Variants in NUP35 observed in about 807,000 individuals in gnomAD.
NUP35 encodes the protein nucleoporin 35, also known as nucleoporin NUP35.
NUP35 carries 25 observed loss-of-function variants against 41.5 expected under a neutral mutation model. The ratio of observed to expected loss-of-function variants is 0.60; its 90% CI spans 0.44 to 0.84. NUP35 has a LOEUF of 0.84. NUP35 is among the 40% of genes least tolerant of loss of function. The probability of loss-of-function intolerance (pLI) is 0.00; values close to 1 mark genes in which losing one functional copy is unlikely to be tolerated. For missense variants in NUP35, 396 were observed against 396.6 expected (o/e 1.00, Z 0.01); for synonymous variants, 149 against 130.7 (o/e 1.14, Z -0.96).
chr2:183,137,701 G>T (rs924281363), intron 4 of NUP35, among the ~76,000 whole-genome samples: 9 of 152,002 alleles, frequency 5.9e-5, no homozygotes, highest in Non-Finnish European at 1.2e-4. Flanking sequence ...GTCAAGGTGG[G>T]AAGACCGCTT....
upstream of NUP35, chr2:183,124,426 A>G (rs143641717): frequency 1.9e-6 from 3 of 1,614,104 alleles, no homozygotes; most frequent in East Asian, 2.2e-5. Context: ...TTAATTGGGA[A>G]GGTACTGGTT....
intron 5 of NUP35, among the ~76,000 whole-genome samples, chr2:183,153,233 C>T (rs1685531055): frequency 6.6e-6 from 1 of 152,142 alleles, no homozygotes; most frequent in African/African-American, 2.4e-5. Context: ...GGAGACACAG[C>T]CAAACCATTT....
At position 183,161,238 on chromosome 2, in the gene NUP35, A is replaced by C. The variant is rs183519395; in HGVS notation, c.*107A>C. 3.7e-4 allele frequency: 250 copies of C among 676,812 alleles called. No individual in the cohort carries two copies. The East Asian group carries it at 6.0e-3, about 16-fold the overall frequency. 41.9% of individuals were successfully genotyped at this position (676,812 alleles called of 1,614,324 possible). ...TCCTGCAGTATTGGATAGCTATCTC[A>C]TACTTCTTTTAGAAAGAAGCCTTTT... On this transcript the variant is annotated 3_prime_UTR_variant, in exon 9 of 9. Transcript: ENST00000295119.
intron 5 of NUP35, among the ~76,000 whole-genome samples, chr2:183,152,342 G>A (rs1685501335): frequency 6.6e-6 from 1 of 152,004 alleles, no homozygotes; most frequent in Non-Finnish European, 1.5e-5. Context: ...GGTTACATGA[G>A]TAAGTTCTTT....
intron 4 of NUP35, among the ~76,000 whole-genome samples, chr2:183,138,263 A>ATTTT (rs1236157351): frequency 6.0e-5 from 4 of 67,118 alleles, no homozygotes; most frequent in South Asian, 4.6e-4. Flanking sequence ...ATATATATAT[A>ATTTT]TATATATTTT....
chr2:183,117,530 G>A (rs1483205209), exon 1 of NUP35: 3 of 152,178 alleles, frequency 2.0e-5, no homozygotes, highest in Non-Finnish European at 2.9e-5. Flanking sequence ...GGTGCTGAAG[G>A]CTGAGACGGT....
chr2:183,160,936 C>T, intron 8 of NUP35, 118 bp from the exon 9 acceptor site: 1 of 693,062 alleles, frequency 1.4e-6, no homozygotes. Context: ...CAAAAATTTA[C>T]AATTTAGTGC....
chr2:183,154,550 C>G (rs10194747), intron 5 of NUP35, among the ~76,000 whole-genome samples: 77,357 of 151,940 alleles, frequency 0.51, 21,109 homozygotes, highest in East Asian at 0.77. Context: ...TAAAACATAA[C>G]AAGAGTCACC....
At chr2:183,131,039 C>G in intron 3 of NUP35, 1 of 566,582 alleles carries the variant, frequency 1.8e-6, no homozygotes, top group Non-Finnish European at 3.0e-6. Flanking sequence ...TAGAGTGCAG[C>G]GGCACAGTCA....
chr2:183,122,789 C>T (rs943456116), upstream of NUP35, among the ~76,000 whole-genome samples: 2 of 152,146 alleles, frequency 1.3e-5, no homozygotes, highest in African/African-American at 4.8e-5. Flanking sequence ...ATTGATATAC[C>T]TTTCTTGGTA....
At chr2:183,151,093 G>A (rs1685454339) in intron 4 of NUP35, among the ~76,000 whole-genome samples, 1 of 152,204 alleles carries the variant, frequency 6.6e-6, no homozygotes, top group African/African-American at 2.4e-5. Flanking sequence ...GGTTGCAACT[G>A]TATAGCTGAG....
chr2:183,142,487 T>C (rs1283527523), intron 4 of NUP35, among the ~76,000 whole-genome samples: 1 of 151,948 alleles, frequency 6.6e-6, no homozygotes, highest in Non-Finnish European at 1.5e-5. Context: ...GTGGGCACTT[T>C]TGTTTTTGTT....
rs1685467915 is a variant in NUP35, at chr2:183,151,515, T to A, written c.405T>A (p.Ser135Arg). Residue 135 changes from serine (S) to arginine (R), a missense_variant, in exon 5 of 9, where the codon AGT becomes AGA. Ser to Arg is a moderately radical substitution (Grantham distance 110, BLOSUM62 -1). Coordinates refer to ENST00000295119, the MANE Select transcript of NUP35 (RefSeq NM_138285.5). The stretch of plus-strand genomic sequence containing the variant: ...CTAAATATACTAATATAGGGCAAAG[T>A]ATGTTTAGTCCAGCAAGTATCGGTC... ...GVTSTPGTGQ[S>R]MFSPASIGQP... 1 of 1,613,856 alleles carries A rather than the reference T, an allele frequency of 6.2e-7. No homozygotes were observed. The highest frequency in any genetic ancestry group is 8.5e-7 in the Non-Finnish European group (1 of 1,179,866).
intron 5 of NUP35, among the ~76,000 whole-genome samples, chr2:183,155,757 A>G (rs1401476315): frequency 1.3e-5 from 2 of 150,938 alleles, no homozygotes; most frequent in African/African-American, 4.9e-5. Flanking sequence ...ATAGGTACCC[A>G]CTCTTAAATC....
At chr2:183,139,305 C>T (rs1559147941) in intron 4 of NUP35, among the ~76,000 whole-genome samples, 1 of 151,244 alleles carries the variant, frequency 6.6e-6, no homozygotes, top group Admixed American at 6.6e-5. Context: ...CTCCCAGGCT[C>T]AAGCAGTCCT....
chr2:183,133,638 CTT>C lies in NUP35; in HGVS notation c.397+31_397+32del, dbSNP rs34264626. ...TCCTGGAACAGGTAAGTGATTCTTT[CTT>C]TTTTTTTTTTTTTTTAAAAGACAGG... On this transcript the variant is annotated intron_variant, in intron 4 of 8. Transcript: ENST00000295119. 131,134 of 1,293,000 alleles carry C rather than the reference CTT, an allele frequency of 0.1. 3 individuals are homozygous for C. Among genetic ancestry groups the C allele is most frequent in the Non-Finnish European group, 0.11 (105,274 of 970,326 alleles). The allele number at this position is 1,293,000 out of a possible 1,614,324, so 80.1% of individuals were successfully genotyped here.
chr2:183,150,643 C>T (rs1685438912), intron 4 of NUP35, among the ~76,000 whole-genome samples: 1 of 152,108 alleles, frequency 6.6e-6, no homozygotes, highest in South Asian at 2.1e-4. Context: ...TTTTGTAGCA[C>T]ATTAAGTATT....
At chr2:183,124,270 T>C, upstream of NUP35, 5 of 1,379,230 alleles carry the variant, frequency 3.6e-6, no homozygotes, top group East Asian at 7.9e-5. Context: ...AACCCTTTCC[T>C]CGGAAATTCT....
intron 3 of NUP35, chr2:183,131,328 T>C (rs1217328023): frequency 2.0e-5 from 3 of 152,918 alleles, no homozygotes; most frequent in Admixed American, 6.5e-5. Flanking sequence ...GTAGGACATA[T>C]AAACAAAGTT....
Sources: gnomAD v4.1 joint callset for allele counts (sites outside exome capture counted in the v4.1 genomes callset) on GRCh38, gnomAD v4.1.1 for gene constraint, MANE v1.5 for transcripts, NCBI Gene and HGNC (gene_info 2026-07-23, HGNC 2026-07-21) for gene names.